Variants in INPP4B observed in about 807,000 individuals in gnomAD.
INPP4B encodes inositol polyphosphate 4-phosphatase type II.
A neutral mutation model predicts 122.5 loss-of-function variants in INPP4B; 55 were observed. That is an observed-to-expected ratio of 0.45 (90% CI 0.36 to 0.56). The LOEUF (loss-of-function observed/expected upper bound fraction) is 0.56. Ranked by LOEUF, INPP4B falls within the 20% of genes least tolerant of loss-of-function variation. The pLI is 0.00. For missense variants in INPP4B, 1,000 were observed against 1,097.7 expected (o/e 0.91, Z 1.26); for synonymous variants, 403 against 388.7 (o/e 1.04, Z -0.43).
chr4:142,244,287 C>CTTTTTTTTTTTTTTTTTTT (rs56945961), intron 11 of INPP4B, among the ~76,000 whole-genome samples: 1 of 73,750 alleles, frequency 1.4e-5, no homozygotes, highest in African/African-American at 5.5e-5. Flanking sequence ...GTATATGTGC[C>CTTTTTTTTTTTTTTTTTTT]TTTTTTTTTT....
rs529413650 is a variant in INPP4B, at chr4:142,269,518, C to T, written c.615+1145G>A. On this transcript the variant is annotated intron_variant, in intron 10 of 25. Transcript: ENST00000262992. ...ATTTGTGGAATCTAAAAGATTCAAACTCATAGAAGTAGAGGGCAGAATGAT... is the reference window on the plus strand; with the variant it reads ...ATTTGTGGAATCTAAAAGATTCAAATTCATAGAAGTAGAGGGCAGAATGAT... Among the ~76,000 whole-genome samples the T allele has an allele frequency of 2.9e-4, 44 of 152,114 alleles. 1 individual carries two copies. Among genetic ancestry groups the T allele is most frequent in the African/African-American group, 9.2e-4 (38 of 41,482 alleles).
At chr4:142,790,830 A>G (rs546038748) in intron 1 of INPP4B, among the ~76,000 whole-genome samples, 1 of 151,812 alleles carries the variant, frequency 6.6e-6, no homozygotes, top group South Asian at 2.1e-4. Context: ...GCAATGTCCT[A>G]TTTTTTTCTT....
At chr4:142,656,365 C>T (rs1341489279) in intron 2 of INPP4B, among the ~76,000 whole-genome samples, 1 of 152,148 alleles carries the variant, frequency 6.6e-6, no homozygotes, top group East Asian at 1.9e-4. Context: ...ACATGGGGCT[C>T]GAGAAGTGGT....
At chr4:142,117,050 T>C (rs1793920054) in intron 21 of INPP4B, among the ~76,000 whole-genome samples, 1 of 152,142 alleles carries the variant, frequency 6.6e-6, no homozygotes, top group Admixed American at 6.5e-5. Context: ...GCAAATAAAC[T>C]AGAAAATCTA....
At chr4:142,059,647 T>G (rs1578757407) in intron 25 of INPP4B, among the ~76,000 whole-genome samples, 1 of 152,144 alleles carries the variant, frequency 6.6e-6, no homozygotes, top group East Asian at 1.9e-4. Context: ...CCTAGTGGAA[T>G]AATAACCCAG....
chr4:142,339,707 C>G (rs946056406), intron 7 of INPP4B, among the ~76,000 whole-genome samples: 2 of 152,126 alleles, frequency 1.3e-5, no homozygotes, highest in Non-Finnish European at 2.9e-5. Flanking sequence ...AATTATGTCT[C>G]AAGTGACCCA....
chr4:142,703,259 C>T (rs716265), intron 2 of INPP4B, among the ~76,000 whole-genome samples: 1 of 152,152 alleles, frequency 6.6e-6, no homozygotes, highest in Non-Finnish European at 1.5e-5. Context: ...CACTTTCTCA[C>T]AAATAACAAG....
chr4:142,344,639 G>A (rs909092134), intron 7 of INPP4B, among the ~76,000 whole-genome samples: 5 of 151,882 alleles, frequency 3.3e-5, no homozygotes, highest in Non-Finnish European at 7.4e-5. Flanking sequence ...AATGCTAATC[G>A]TTTTTCTTTA....
intron 2 of INPP4B, among the ~76,000 whole-genome samples, chr4:142,676,203 AACAG>A (rs1306763151): frequency 3.3e-5 from 5 of 151,856 alleles, no homozygotes; most frequent in East Asian, 1.9e-4. Context: ...ATACACCAAA[AACAG>A]ACAGAGAGCC....
At chr4:142,400,137 A>T (rs1444261979) in intron 7 of INPP4B, among the ~76,000 whole-genome samples, 1 of 152,196 alleles carries the variant, frequency 6.6e-6, no homozygotes, top group Non-Finnish European at 1.5e-5. Flanking sequence ...ATCTAGTACA[A>T]ATATGTATGC....
chr4:142,295,096 G>C (rs1429094276), intron 9 of INPP4B, among the ~76,000 whole-genome samples: 1 of 152,100 alleles, frequency 6.6e-6, no homozygotes, highest in Non-Finnish European at 1.5e-5. Flanking sequence ...AAGGGTCTTA[G>C]TTTAACCTGA....
intron 2 of INPP4B, among the ~76,000 whole-genome samples, chr4:142,565,136 G>A (rs1438627971): frequency 6.6e-6 from 1 of 152,050 alleles, no homozygotes. Context: ...GGATGCCCTT[G>A]CACCAATGAG....
At chr4:142,290,508 C>A (rs973029706) in intron 9 of INPP4B, among the ~76,000 whole-genome samples, 2 of 152,004 alleles carry the variant, frequency 1.3e-5, no homozygotes, top group Middle Eastern at 3.4e-3. Context: ...GCCCTGCTGG[C>A]CTTATTTCTT....
At chr4:142,088,683 T>A (rs1010304987) in intron 23 of INPP4B, among the ~76,000 whole-genome samples, 2 of 152,202 alleles carry the variant, frequency 1.3e-5, no homozygotes, top group African/African-American at 2.4e-5. Flanking sequence ...CATATTGCTT[T>A]TAAATAATAA....
At position 142,498,203 on chromosome 4, in the gene INPP4B, G is replaced by GTA. The variant is rs529732516; in HGVS notation, c.-190-35479_-190-35478dup. 6.3e-4 allele frequency among the ~76,000 whole-genome samples: 93 copies of GTA among 146,878 alleles called. No homozygotes were observed. In the South Asian group the frequency reaches 0.01, roughly 16 times the overall value. On this transcript the variant is annotated intron_variant, in intron 2 of 25. Transcript: ENST00000262992. ...TACATATGTATGTGTGTGCGTGTGT[G>GTA]TATATATATATATACACATATACTT...
intron 1 of INPP4B, among the ~76,000 whole-genome samples, chr4:142,821,193 A>G (rs1013587834): frequency 3.3e-5 from 5 of 152,110 alleles, no homozygotes; most frequent in African/African-American, 1.2e-4. Context: ...TTTTAGTAAT[A>G]ACATTATTAA....
chr4:142,396,353 A>G (rs945352910), intron 7 of INPP4B, among the ~76,000 whole-genome samples: 2 of 152,118 alleles, frequency 1.3e-5, no homozygotes, highest in African/African-American at 4.8e-5. Flanking sequence ...GCCAGTAAGC[A>G]CAGGAAAACG....
At chr4:142,700,917 C>T (rs1418744040) in intron 2 of INPP4B, among the ~76,000 whole-genome samples, 1 of 152,000 alleles carries the variant, frequency 6.6e-6, no homozygotes, top group Non-Finnish European at 1.5e-5. Flanking sequence ...CATTTATTAT[C>T]TCAGAACACA....
intron 2 of INPP4B, among the ~76,000 whole-genome samples, chr4:142,538,051 C>A (rs796262339): frequency 1.3e-5 from 2 of 152,010 alleles, no homozygotes; most frequent in South Asian, 4.1e-4. Context: ...AACAACAAAA[C>A]CCTTACCTAG....
Sources: gnomAD v4.1 joint callset for allele counts (sites outside exome capture counted in the v4.1 genomes callset) on GRCh38, gnomAD v4.1.1 for gene constraint, MANE v1.5 for transcripts, NCBI Gene and HGNC (gene_info 2026-07-23, HGNC 2026-07-21) for gene names.